The following PRKD1 variants were observed in gnomAD, a reference collection of about 807,000 sequenced individuals.
The protein encoded by PRKD1 is protein kinase D1.
A neutral mutation model predicts 95.9 loss-of-function variants in PRKD1; 63 were observed. That is an observed-to-expected ratio of 0.66 (90% CI 0.54 to 0.81). The LOEUF (loss-of-function observed/expected upper bound fraction) is 0.81, where lower values mean the gene tolerates loss of function less well. Among genes scored for constraint, PRKD1 ranks in the 30% least tolerant of loss-of-function variants. The pLI, the probability that PRKD1 is intolerant of heterozygous loss-of-function variation, is 0.00. For synonymous variants in PRKD1, 425 were observed against 423.1 expected (o/e 1.00, Z -0.05); for missense variants, 1,048 against 1,165.3 (o/e 0.90, Z 1.47).
intron 1 of PRKD1, among the ~76,000 whole-genome samples, chr14:29,825,203 A>G (rs1261033423): frequency 6.6e-6 from 1 of 152,136 alleles, no homozygotes; most frequent in Non-Finnish European, 1.5e-5. Flanking sequence ...AGGAAATGTG[A>G]TATGTACGAA....
At chr14:29,902,941 A>G (rs1894369578) in intron 1 of PRKD1, among the ~76,000 whole-genome samples, 1 of 152,252 alleles carries the variant, frequency 6.6e-6, no homozygotes, top group South Asian at 2.1e-4. Context: ...AAAAAGAAAT[A>G]TAAGGGTGAA....
chr14:29,639,624 A>T (rs958203630), intron 4 of PRKD1, among the ~76,000 whole-genome samples: 87 of 151,592 alleles, frequency 5.7e-4, no homozygotes, highest in African/African-American at 1.5e-3. Flanking sequence ...CATCTCAAAA[A>T]AAATAAATAA....
intron 1 of PRKD1, among the ~76,000 whole-genome samples, chr14:29,836,593 G>A (rs1891620359): frequency 1.3e-5 from 2 of 152,210 alleles, no homozygotes; most frequent in Admixed American, 1.3e-4. Flanking sequence ...TGAGTAGGCA[G>A]TGGGAACTAC....
At chr14:29,856,028 A>G (rs1398209945) in intron 1 of PRKD1, among the ~76,000 whole-genome samples, 1 of 152,196 alleles carries the variant, frequency 6.6e-6, no homozygotes, top group Non-Finnish European at 1.5e-5. Flanking sequence ...CTAATCCATC[A>G]TAATAGAGTC....
At chr14:29,721,172 C>T (rs1885878034) in intron 2 of PRKD1, among the ~76,000 whole-genome samples, 1 of 152,202 alleles carries the variant, frequency 6.6e-6, no homozygotes, top group Non-Finnish European at 1.5e-5. Flanking sequence ...GCCTGGACTA[C>T]AGTGCCAGCT....
chr14:29,899,032 T>A (rs1444825681), intron 1 of PRKD1, among the ~76,000 whole-genome samples: 2 of 152,162 alleles, frequency 1.3e-5, no homozygotes, highest in Non-Finnish European at 2.9e-5. Context: ...AAAATGCAAA[T>A]TCTCATTTAT....
intron 1 of PRKD1, among the ~76,000 whole-genome samples, chr14:29,901,105 G>T (rs541138040): frequency 6.6e-6 from 1 of 152,202 alleles, no homozygotes. Flanking sequence ...CTTCAACAGT[G>T]AACTGGATAA....
At chr14:29,848,252 A>G (rs1892162012) in intron 1 of PRKD1, among the ~76,000 whole-genome samples, 1 of 152,072 alleles carries the variant, frequency 6.6e-6, no homozygotes, top group Non-Finnish European at 1.5e-5. Context: ...GCTTCTGATC[A>G]AAAAGATGCA....
intron 1 of PRKD1, among the ~76,000 whole-genome samples, chr14:29,814,425 T>C (rs1165838704): frequency 2.6e-5 from 4 of 152,188 alleles, no homozygotes; most frequent in Non-Finnish European, 4.4e-5. Context: ...AATGTCTTCT[T>C]GCTAGTGGTG....
intron 1 of PRKD1, among the ~76,000 whole-genome samples, chr14:29,819,656 C>G (rs1594547455): frequency 6.6e-6 from 1 of 152,072 alleles, no homozygotes; most frequent in East Asian, 1.9e-4. Context: ...CGCCACTGCA[C>G]TCCAGCCTGG....
chr14:29,655,051 C>T (rs1264151595), intron 4 of PRKD1, among the ~76,000 whole-genome samples: 4 of 152,220 alleles, frequency 2.6e-5, no homozygotes, highest in South Asian at 4.1e-4. Flanking sequence ...TCAGACTACT[C>T]TTCAGTCCTC....
At chr14:29,839,937 G>A (rs113829233) in intron 1 of PRKD1, among the ~76,000 whole-genome samples, 3,585 of 152,114 alleles carry the variant, frequency 0.024, 71 homozygotes, top group South Asian at 0.11. Context: ...CTGGGCCTCC[G>A]GGCCTGTGAT....
At chr14:29,881,096 A>G (rs1893494688) in intron 1 of PRKD1, among the ~76,000 whole-genome samples, 2 of 152,302 alleles carry the variant, frequency 1.3e-5, no homozygotes, top group South Asian at 4.1e-4. Flanking sequence ...ATGTGAGGAC[A>G]TGAGATTTGG....
chr14:29,871,377 G>C (rs996029354), intron 1 of PRKD1, among the ~76,000 whole-genome samples: 2 of 152,192 alleles, frequency 1.3e-5, no homozygotes, highest in African/African-American at 4.8e-5. Context: ...CTTAAAAGTT[G>C]TGACTTTAAG....
chr14:29,821,883 C>A (rs1463312845), intron 1 of PRKD1, among the ~76,000 whole-genome samples: 1 of 152,020 alleles, frequency 6.6e-6, no homozygotes, highest in Admixed American at 6.6e-5. Context: ...CACCCACACA[C>A]AACCTCCTCA....
At chr14:29,686,849 C>T (rs1192989514) in intron 2 of PRKD1, among the ~76,000 whole-genome samples, 2 of 152,164 alleles carry the variant, frequency 1.3e-5, no homozygotes, top group Admixed American at 6.5e-5. Flanking sequence ...TTTTCATTGC[C>T]GTTCTCGCTA....
intron 2 of PRKD1, among the ~76,000 whole-genome samples, chr14:29,688,855 C>G (rs938695703): frequency 5.4e-5 from 8 of 149,194 alleles, no homozygotes; most frequent in African/African-American, 2.0e-4. Flanking sequence ...ACTGTGTGAA[C>G]CCGGGAGGTG....
chr14:29,654,732 A>T (rs1001515741), intron 4 of PRKD1, among the ~76,000 whole-genome samples: 8 of 152,170 alleles, frequency 5.3e-5, no homozygotes, highest in Non-Finnish European at 2.9e-5. Flanking sequence ...TGTGCACCTC[A>T]GGGTTACAGA....
intron 1 of PRKD1, among the ~76,000 whole-genome samples, chr14:29,867,619 T>C (rs554461111): frequency 1.3e-5 from 2 of 152,326 alleles, no homozygotes; most frequent in South Asian, 4.1e-4. Context: ...GGGACTTCCT[T>C]GAAAAGTTTT....
Sources: allele counts gnomAD v4.1 joint callset (sites outside exome capture counted in the v4.1 genomes callset), GRCh38; gene constraint gnomAD v4.1.1; transcripts MANE v1.5; gene names NCBI Gene and HGNC (gene_info 2026-07-23, HGNC 2026-07-21).